Variants in TAFA1 observed in about 807,000 individuals in gnomAD.
TAFA1 encodes the protein TAFA chemokine like family member 1.
A neutral mutation model predicts 18.5 loss-of-function variants in TAFA1; 4 were observed. The ratio of observed to expected loss-of-function variants is 0.22; its 90% CI spans 0.11 to 0.49. TAFA1 has a LOEUF of 0.49. TAFA1 is among the 20% of genes least tolerant of loss of function. TAFA1 has a pLI of 0.98. For synonymous variants in TAFA1, 56 were observed against 55.2 expected (o/e 1.01, Z -0.06); for missense variants, 147 against 169.0 (o/e 0.87, Z 0.72).
intron 2 of TAFA1, among the ~76,000 whole-genome samples, chr3:68,129,731 G>C (rs906531785): frequency 3.3e-5 from 5 of 152,136 alleles, no homozygotes; most frequent in Admixed American, 2.0e-4. Flanking sequence ...CTCCTGGTGT[G>C]TCTCAATAAT....
upstream of TAFA1, among the ~76,000 whole-genome samples, chr3:68,002,523 C>T (rs1332095895): frequency 6.6e-6 from 1 of 152,146 alleles, no homozygotes; most frequent in East Asian, 1.9e-4. Context: ...ATAGCAAAAC[C>T]ACAACCAACA....
intron 2 of TAFA1, among the ~76,000 whole-genome samples, chr3:68,127,290 T>C (rs1325859470): frequency 6.6e-6 from 1 of 152,126 alleles, no homozygotes; most frequent in African/African-American, 2.4e-5. Context: ...ATTGGCAATG[T>C]GTGAGAGAGA....
upstream of TAFA1, among the ~76,000 whole-genome samples, chr3:67,999,267 TCCCCCCC>T (rs66913469): frequency 0.73 from 104,900 of 143,156 alleles, 37,811 homozygotes; most frequent in South Asian, 0.84. Context: ...ATTCTCTCTA[TCCCCCCC>T]CCCCCCCTCT....
chr3:68,097,855 G>C (rs1327564281), intron 2 of TAFA1, among the ~76,000 whole-genome samples: 1 of 152,140 alleles, frequency 6.6e-6, no homozygotes, highest in Non-Finnish European at 1.5e-5. Context: ...AGTTGAGGCA[G>C]ATGCTCTCAG....
rs969797743 is a variant in TAFA1, at chr3:68,179,473, C to A, written c.118+172729C>A. Among the ~76,000 whole-genome samples the A allele has an allele frequency of 2.6e-5, 4 of 152,294 alleles. No individual in the cohort carries two copies. The East Asian group carries it at 7.7e-4, about 29-fold the overall frequency. ...ATCTTTCCATTTTTCCTCCTTTTAA[C>A]ATTGGTCTGCATTTTTAAAGAAAAT... On this transcript the variant is annotated intron_variant, in intron 2 of 4. Transcript: ENST00000478136.
At chr3:68,234,667 T>C (rs1448044281) in intron 2 of TAFA1, among the ~76,000 whole-genome samples, 1 of 151,138 alleles carries the variant, frequency 6.6e-6, no homozygotes, top group Non-Finnish European at 1.5e-5. Context: ...CAAGATAGAG[T>C]CGAGTCATCA....
chr3:68,518,712 A>G (rs1186905161), intron 3 of TAFA1, among the ~76,000 whole-genome samples: 1 of 152,198 alleles, frequency 6.6e-6, no homozygotes, highest in African/African-American at 2.4e-5. Flanking sequence ...GATAGGGGGA[A>G]TGGAACATGT....
intron 3 of TAFA1, among the ~76,000 whole-genome samples, chr3:68,490,780 A>G (rs2106680298): frequency 6.6e-6 from 1 of 151,746 alleles, no homozygotes; most frequent in Non-Finnish European, 1.5e-5. Flanking sequence ...AGTAAATATC[A>G]ACAGATATCA....
At chr3:68,348,388 A>G (rs2069202639) in intron 2 of TAFA1, among the ~76,000 whole-genome samples, 1 of 152,176 alleles carries the variant, frequency 6.6e-6, no homozygotes, top group African/African-American at 2.4e-5. Context: ...GTACACAGTC[A>G]CATACAATGT....
chr3:68,410,700 A>G (rs928876316), intron 2 of TAFA1, among the ~76,000 whole-genome samples: 3 of 123,194 alleles, frequency 2.4e-5, no homozygotes, highest in African/African-American at 6.6e-5. Flanking sequence ...ACCATTTTCC[A>G]TAAGCAAAAA....
At chr3:68,191,164 G>A (rs1372590242) in intron 2 of TAFA1, among the ~76,000 whole-genome samples, 1 of 151,600 alleles carries the variant, frequency 6.6e-6, no homozygotes, top group African/African-American at 2.4e-5. Context: ...TTTTTGTTTT[G>A]TTCTGTCTTT....
intron 2 of TAFA1, among the ~76,000 whole-genome samples, chr3:68,222,232 A>T (rs950886086): frequency 5.3e-5 from 8 of 152,202 alleles, no homozygotes; most frequent in Admixed American, 5.2e-4. Context: ...TTTAGCGCAA[A>T]CTTCATCTGA....
intron 3 of TAFA1, among the ~76,000 whole-genome samples, chr3:68,430,657 T>G (rs2071152669): frequency 6.6e-6 from 1 of 151,948 alleles, no homozygotes; most frequent in Non-Finnish European, 1.5e-5. Flanking sequence ...TACTAACACT[T>G]CAGACAATGC....
chr3:68,356,216 G>T (rs1417533747), intron 2 of TAFA1, among the ~76,000 whole-genome samples: 2 of 151,806 alleles, frequency 1.3e-5, no homozygotes, highest in Admixed American at 1.3e-4. Context: ...GATATACTGG[G>T]TGATATAGCA....
intron 2 of TAFA1, among the ~76,000 whole-genome samples, chr3:68,412,787 T>C (rs2070741032): frequency 6.6e-6 from 1 of 152,198 alleles, no homozygotes; most frequent in Non-Finnish European, 1.5e-5. Context: ...TGGTGGACAT[T>C]TGGCTTGGTT....
chr3:68,144,739 C>T (rs924792679), intron 2 of TAFA1, among the ~76,000 whole-genome samples: 2 of 152,184 alleles, frequency 1.3e-5, no homozygotes, highest in African/African-American at 2.4e-5. Context: ...GTCCGTCTTA[C>T]AATTTTTTTA....
At chr3:68,414,176 G>A (rs2070768808) in intron 2 of TAFA1, among the ~76,000 whole-genome samples, 1 of 152,070 alleles carries the variant, frequency 6.6e-6, no homozygotes, top group African/African-American at 2.4e-5. Flanking sequence ...GCATGGTGGT[G>A]CATGCCTGTA....
At chr3:68,400,181 G>A (rs2070460318) in intron 2 of TAFA1, among the ~76,000 whole-genome samples, 1 of 152,064 alleles carries the variant, frequency 6.6e-6, no homozygotes, top group Non-Finnish European at 1.5e-5. Context: ...ACTGAAAATG[G>A]GGTAGGGGTG....
At chr3:68,253,785 T>G (rs1030935524) in intron 2 of TAFA1, among the ~76,000 whole-genome samples, 1 of 152,146 alleles carries the variant, frequency 6.6e-6, no homozygotes, top group African/African-American at 2.4e-5. Context: ...GTCTAATGAG[T>G]GCAATATTGA....
Sources: gnomAD v4.1 joint callset for allele counts (sites outside exome capture counted in the v4.1 genomes callset) on GRCh38, gnomAD v4.1.1 for gene constraint, MANE v1.5 for transcripts, NCBI Gene and HGNC (gene_info 2026-07-23, HGNC 2026-07-21) for gene names.